Variants in TTI2 observed in about 807,000 individuals in gnomAD.
TTI2 encodes TELO2-interacting protein 2.
A neutral mutation model predicts 44.9 loss-of-function variants in TTI2; 26 were observed. The observed-to-expected ratio is 0.58, with a 90% CI of 0.42 to 0.80. The LOEUF is 0.80. Among genes scored for constraint, TTI2 ranks in the 30% least tolerant of loss-of-function variants. The pLI, the probability that TTI2 is intolerant of heterozygous loss-of-function variation, is 0.00. For missense variants in TTI2, 582 were observed against 611.6 expected, an observed-to-expected ratio of 0.95 and a Z score of 0.51; for synonymous variants, 254 against 250.9, an observed-to-expected ratio of 1.01 and a Z score of -0.12.
At chr8:33,503,632 C>A in intron 5 of TTI2, 60 bp from the exon 6 acceptor site, 2 of 1,608,228 alleles carry the variant, frequency 1.2e-6, no homozygotes, top group African/African-American at 2.7e-5. Flanking sequence ...AATCCCAGTA[C>A]TTTGGGAGGC....
chr8:33,501,919 T>C (rs1431521416), intron 6 of TTI2, among the ~76,000 whole-genome samples: 1 of 152,102 alleles, frequency 6.6e-6, no homozygotes, highest in Non-Finnish European at 1.5e-5. Context: ...TATCCTACAT[T>C]AGTATGCTTT....
In TTI2 at chr8:33,512,639, G is replaced by C. The variant is rs201343481; in HGVS notation, c.-26C>G. ...TCCTGACTGCAGCACCAGAAGGCTGGTCTCTCCCACAGAACGAGGATGGAG... is the reference window on the plus strand; with the variant it reads ...TCCTGACTGCAGCACCAGAAGGCTGCTCTCTCCCACAGAACGAGGATGGAG... On this transcript the variant is annotated 5_prime_UTR_variant, in exon 2 of 8. Coordinates refer to ENST00000431156, the MANE Select transcript of TTI2 (RefSeq NM_001102401.4). 2.2e-5 allele frequency: 35 copies of C among 1,609,876 alleles called. No homozygotes were observed. The Admixed American group carries it at 4.5e-4, about 21-fold the overall frequency.
intron 4 of TTI2, among the ~76,000 whole-genome samples, chr8:33,506,530 T>A (rs1563353482): frequency 6.6e-6 from 1 of 151,344 alleles, no homozygotes; most frequent in Non-Finnish European, 1.5e-5. Flanking sequence ...TAGCTGGGAC[T>A]ACAGACACGT....
rs781269846 is a variant in TTI2 at position 33,512,509 on chromosome 8, G to A, written c.105C>T (p.His35=). Residue 35 remains histidine (H), a synonymous_variant, in exon 2 of 8, where the codon CAC becomes CAT. Transcript: ENST00000431156. The part of the protein sequence containing the change: ...AFGQAFSKIL[H]CLARPEARRG... ...GTCGTGCCTCCGGGCGGGCAAGACA[G>A]TGTAAAATCTTGGAGAAGGCCTGTC... 4 of 1,614,086 alleles carry A rather than the reference G, an allele frequency of 2.5e-6. No individual in the cohort carries two copies. In the South Asian group the frequency reaches 3.3e-5, roughly 13 times the overall value.
At chr8:33,509,621 G>A in intron 3 of TTI2, 125 bp downstream of exon 3, 1 of 961,470 alleles carries the variant, frequency 1.0e-6, no homozygotes, top group South Asian at 1.4e-5. Flanking sequence ...GTGGATAGAG[G>A]AAAAATATAA....
rs1209882434 is a variant in TTI2, at chr8:33,509,740, G to A, written c.834+6C>T. The A allele has an allele frequency of 3.1e-6, 5 of 1,613,704 alleles. No individual in the cohort carries two copies. In the African/African-American group the frequency reaches 5.3e-5, roughly 17 times the overall value. On this transcript the variant is annotated splice_donor_region_variant and intron_variant, in intron 3 of 7. Transcript: ENST00000431156. Reference sequence around the variant, plus strand: ...CAACACAGATGACAAGCCAGAGGTTGCTTACCACATTAAGCACAATGTGAT... The same window carrying A: ...CAACACAGATGACAAGCCAGAGGTTACTTACCACATTAAGCACAATGTGAT...
In TTI2 at chr8:33,499,074, A is replaced by T; in HGVS notation, c.*99T>A. ...GAAGGAAAAAGCAGCTTTCACTTAC[A>T]AAGTTTCGTGTAAAAATATCTTTTT... On this transcript the variant is annotated 3_prime_UTR_variant, in exon 8 of 8. Coordinates refer to ENST00000431156, the MANE Select transcript of TTI2 (RefSeq NM_001102401.4). 1 of 1,032,808 alleles carries T rather than the reference A, an allele frequency of 9.7e-7. No homozygotes were observed. Among genetic ancestry groups the T allele is most frequent in the Non-Finnish European group, 1.5e-6 (1 of 672,878 alleles). 64.0% of individuals were successfully genotyped at this position (1,032,808 alleles called of 1,614,324 possible). A position where few individuals can be genotyped will look rare whatever the true frequency, so the allele number is the denominator to read the frequency against.
intron 3 of TTI2, among the ~76,000 whole-genome samples, chr8:33,509,331 C>G (rs10094805): frequency 0.53 from 79,461 of 149,940 alleles, 21,453 homozygotes; most frequent in Non-Finnish European, 0.59. Flanking sequence ...GTGGCACGCA[C>G]CTGTAATCCC....
chr8:33,511,876 T>G, intron 2 of TTI2, 91 bp downstream of exon 2: 1 of 1,437,012 alleles, frequency 7.0e-7, no homozygotes, highest in Non-Finnish European at 9.5e-7. Context: ...GCAACAAGAG[T>G]GAAACTCTGT....
In TTI2 at chr8:33,512,167, G is replaced by C. The variant is rs867283930; in HGVS notation, c.447C>G (p.Pro149=). ...WQTGLHHLAG[P]VYIFAITHSL... Reference sequence around the variant, plus strand: ...TGTGTGTGATGGCAAAAATATAAACGGGTCCTGCCAAGTGATGCAGGCCCG... The same window carrying C: ...TGTGTGTGATGGCAAAAATATAAACCGGTCCTGCCAAGTGATGCAGGCCCG... The change falls in exon 2 of 8, where the codon CCC becomes CCG. Residue 149 remains proline, a synonymous_variant. Transcript: ENST00000431156. 2.4e-5 allele frequency: 39 copies of C among 1,614,014 alleles called. No homozygotes were observed. The highest frequency in any genetic ancestry group is 1.6e-4 in the Middle Eastern group (1 of 6,062).
chr8:33,509,076 G>C (rs1281704278), intron 3 of TTI2, among the ~76,000 whole-genome samples: 2 of 150,014 alleles, frequency 1.3e-5, no homozygotes, highest in African/African-American at 4.9e-5. Context: ...CCGGGAGGCA[G>C]AGGCTGCAGT....
At chr8:33,499,342 G>T in intron 7 of TTI2, 65 bp from the exon 8 acceptor site, 1 of 1,154,906 alleles carries the variant, frequency 8.7e-7, no homozygotes, top group Non-Finnish European at 1.3e-6. Flanking sequence ...CCTTTTGCTT[G>T]ATTCTTCTTC....
At chr8:33,508,672 G>C (rs548282261) in intron 3 of TTI2, among the ~76,000 whole-genome samples, 1 of 149,324 alleles carries the variant, frequency 6.7e-6, no homozygotes, top group African/African-American at 2.5e-5. Context: ...GTGATCTCTG[G>C]CTCTCCCCTA....
intron 6 of TTI2, 108 bp downstream of exon 6, chr8:33,503,321 T>A (rs534625135): frequency 6.7e-7 from 1 of 1,484,588 alleles, no homozygotes; most frequent in East Asian, 2.4e-5. Context: ...TGGGAGGTAT[T>A]CAAATACATA....
intron 4 of TTI2, 80 bp downstream of exon 4, chr8:33,507,149 A>G: frequency 8.0e-7 from 1 of 1,256,660 alleles, no homozygotes; most frequent in South Asian, 1.2e-5. Flanking sequence ...ATGTCTCTCA[A>G]TTACTACTAC....
rs1177024213 is a variant in TTI2, at chr8:33,513,096, G to T, written c.-114C>A. 1 of 158,538 alleles carries T rather than the reference G, an allele frequency of 6.3e-6. No individual in the cohort carries two copies. The allele number at this position is 158,538 out of a possible 1,614,324, so 9.8% of individuals were successfully genotyped here. Reference sequence around the variant, plus strand: ...CCCCCAGGTACCTGCAACGGCTCGCGCCCGCCGGTGTCTAACAGGATCCGG... The same window carrying T: ...CCCCCAGGTACCTGCAACGGCTCGCTCCCGCCGGTGTCTAACAGGATCCGG... On this transcript the variant is annotated 5_prime_UTR_variant, in exon 1 of 8. Coordinates refer to ENST00000431156, the MANE Select transcript of TTI2 (RefSeq NM_001102401.4).
At chr8:33,507,881 T>G (rs1809356606) in intron 3 of TTI2, among the ~76,000 whole-genome samples, 1 of 149,850 alleles carries the variant, frequency 6.7e-6, no homozygotes, top group East Asian at 2.0e-4. Context: ...CCCAGCTACT[T>G]GGGAGGCTGA....
Position 33,512,152 on chromosome 8 carries a change from G to A in TTI2, c.462C>T (p.Ala154=), listed in dbSNP as rs1809557818. ...HHLAGPVYIF[A]ITHSLEQPWT... is the part of the protein sequence containing the mutation. The stretch of plus-strand genomic sequence containing the variant: ...ATGGTTGCTCCAAGCTGTGTGTGAT[G>A]GCAAAAATATAAACGGGTCCTGCCA... Residue 154 remains alanine, a synonymous_variant, in exon 2 of 8, where the codon GCC becomes GCT. Transcript: ENST00000431156. The A allele has an allele frequency of 1.2e-6, 2 of 1,614,044 alleles. No individual in the cohort carries two copies. Among genetic ancestry groups the A allele is most frequent in the South Asian group, 2.2e-5 (2 of 91,088 alleles).
chr8:33,510,841 C>G (rs767768287), intron 2 of TTI2, among the ~76,000 whole-genome samples: 1 of 152,134 alleles, frequency 6.6e-6, no homozygotes, highest in African/African-American at 2.4e-5. Flanking sequence ...TACTCCAGTG[C>G]TAACAAAGTA....
Sources: allele counts gnomAD v4.1 joint callset (sites outside exome capture counted in the v4.1 genomes callset), GRCh38; gene constraint gnomAD v4.1.1; transcripts MANE v1.5; gene names NCBI Gene and HGNC (gene_info 2026-07-23, HGNC 2026-07-21).